Variants in DHRSX observed in about 807,000 individuals in gnomAD.
The protein encoded by DHRSX is polyprenol dehydrogenase.
Under a neutral mutation model 34.0 loss-of-function variants are expected in DHRSX, and 31 were observed. That is an observed-to-expected ratio of 0.91 (90% CI 0.69 to 1.23). The LOEUF is 1.23. Among genes scored for constraint, DHRSX ranks in the 50% most tolerant of loss-of-function variants. DHRSX has a pLI of 0.00. For synonymous variants in DHRSX, 201 were observed against 183.8 expected, an observed-to-expected ratio of 1.09 and a Z score of -0.76; for missense variants, 414 against 428.1, an observed-to-expected ratio of 0.97 and a Z score of 0.29.
intron 3 of DHRSX, among the ~76,000 whole-genome samples, chrX:2,318,782 A>G (rs1434167267): frequency 2.0e-5 from 3 of 152,082 alleles, no homozygotes; most frequent in African/African-American, 7.2e-5. Flanking sequence ...TGCTCTGCCA[A>G]TGGAGTGGCC....
At chrX:2,357,596 A>C (rs2042871914) in intron 3 of DHRSX, among the ~76,000 whole-genome samples, 1 of 152,068 alleles carries the variant, frequency 6.6e-6, no homozygotes, top group South Asian at 2.1e-4. Flanking sequence ...TAAGGAATAA[A>C]GAAAGAGCTA....
At chrX:2,239,750 C>G (rs750859320) in intron 6 of DHRSX, among the ~76,000 whole-genome samples, 3 of 151,104 alleles carry the variant, frequency 2.0e-5, no homozygotes, top group Non-Finnish European at 4.4e-5. Context: ...GCCTGGGCAA[C>G]AGAGCAAGAC....
At chrX:2,245,062 A>G (rs36079539) in intron 5 of DHRSX, among the ~76,000 whole-genome samples, 101,441 of 151,834 alleles carry the variant, frequency 0.67, 34,980 homozygotes, top group Non-Finnish European at 0.73. Context: ...AGCTGTGAAC[A>G]GAAAATATCT....
chrX:2,314,403 A>AGGGAGGGAAGGAAGGAAGGGG (rs2042209538), intron 3 of DHRSX, among the ~76,000 whole-genome samples: 1 of 52,894 alleles, frequency 1.9e-5, no homozygotes, highest in African/African-American at 9.3e-5. Flanking sequence ...AAGGAAGGGA[A>AGGGAGGGAAGGAAGGAAGGGG]AGAAGGGAGG....
At chrX:2,473,620 G>C in intron 1 of DHRSX, among the ~76,000 whole-genome samples, 1 of 137,204 alleles carries the variant, frequency 7.3e-6, no homozygotes, top group Non-Finnish European at 1.5e-5. Flanking sequence ...GACAGAGCAA[G>C]ACTCCGTCTC....
At chrX:2,333,363 G>A (rs1425732447) in intron 3 of DHRSX, among the ~76,000 whole-genome samples, 1 of 152,072 alleles carries the variant, frequency 6.6e-6, no homozygotes, top group African/African-American at 2.4e-5. Flanking sequence ...GGCAAATTAC[G>A]TGACATGGGA....
At chrX:2,438,535 A>G (rs747337827) in intron 1 of DHRSX, among the ~76,000 whole-genome samples, 2 of 151,836 alleles carry the variant, frequency 1.3e-5, no homozygotes, top group Admixed American at 1.3e-4. Context: ...GCCGGGCGAG[A>G]TGGCTGGCGC....
intron 1 of DHRSX, among the ~76,000 whole-genome samples, chrX:2,458,298 G>A (rs2044340929): frequency 6.6e-6 from 1 of 152,126 alleles, no homozygotes. Context: ...TCAGAGCAAA[G>A]AATGTTGTGC....
At chrX:2,290,541 G>T (rs2041853640) in intron 4 of DHRSX, among the ~76,000 whole-genome samples, 1 of 152,064 alleles carries the variant, frequency 6.6e-6, no homozygotes, top group South Asian at 2.1e-4. Flanking sequence ...TGATTTTTTT[G>T]TCTGCAATCT....
In DHRSX at chrX:2,338,999, T is replaced by A. The variant is rs749941185; in HGVS notation, c.287-47396A>T. On this transcript the variant is annotated intron_variant, in intron 3 of 6. Transcript: ENST00000334651. The stretch of plus-strand genomic sequence containing the variant: ...AGCTGGTACACTCATGGAATGATAA[T>A]CCATATAATTTCCGCAACGAGATGT... 3.3e-5 allele frequency among the ~76,000 whole-genome samples: 5 copies of A among 152,044 alleles called. No individual in the cohort carries two copies. The South Asian group carries it at 1.0e-3, about 32-fold the overall frequency.
intron 3 of DHRSX, among the ~76,000 whole-genome samples, chrX:2,298,616 A>ACACACACG (rs1556457301): frequency 2.2e-5 from 3 of 138,302 alleles, no homozygotes; most frequent in Non-Finnish European, 4.5e-5. Flanking sequence ...ACACACACAC[A>ACACACACG]CACACACACA....
At chrX:2,380,414 G>A (rs1415803556) in intron 3 of DHRSX, among the ~76,000 whole-genome samples, 1 of 151,098 alleles carries the variant, frequency 6.6e-6, no homozygotes, top group Non-Finnish European at 1.5e-5. Flanking sequence ...CATATGATAA[G>A]GAAGCAGGAT....
chrX:2,384,390 G>A (rs759434600), intron 3 of DHRSX, among the ~76,000 whole-genome samples: 2 of 152,282 alleles, frequency 1.3e-5, no homozygotes, highest in African/African-American at 2.4e-5. Flanking sequence ...GAACACGGAC[G>A]TGGTTGCAAG....
intron 1 of DHRSX, among the ~76,000 whole-genome samples, chrX:2,484,968 T>C (rs1315397235): frequency 6.6e-6 from 1 of 151,726 alleles, no homozygotes; most frequent in Non-Finnish European, 1.5e-5. Context: ...ATCCGAAACC[T>C]TTTTCTCACT....
At chrX:2,255,379 C>G (rs2041262649) in intron 5 of DHRSX, among the ~76,000 whole-genome samples, 1 of 152,038 alleles carries the variant, frequency 6.6e-6, no homozygotes, top group South Asian at 2.1e-4. Context: ...TGAGTGAAAT[C>G]CGAATCGAGA....
intron 5 of DHRSX, among the ~76,000 whole-genome samples, chrX:2,266,174 G>A (rs766997013): frequency 1.4e-3 from 201 of 144,270 alleles, no homozygotes; most frequent in African/African-American, 4.4e-3. Flanking sequence ...CAGATGCAGG[G>A]AGCACTGTCC....
chrX:2,392,177 G>C (rs1263728897), intron 3 of DHRSX, among the ~76,000 whole-genome samples: 4 of 152,284 alleles, frequency 2.6e-5, no homozygotes, highest in African/African-American at 9.6e-5. Context: ...AAATGGAAAT[G>C]GGTATGACGG....
At chrX:2,357,897 A>G (rs2042876910) in intron 3 of DHRSX, among the ~76,000 whole-genome samples, 2 of 152,170 alleles carry the variant, frequency 1.3e-5, no homozygotes, top group Admixed American at 1.3e-4. Context: ...ACACATGTAC[A>G]TCACTGGGGT....
chrX:2,449,341 C>T (rs781540649), intron 1 of DHRSX, among the ~76,000 whole-genome samples: 93 of 152,214 alleles, frequency 6.1e-4, no homozygotes, highest in Middle Eastern at 3.4e-3. Context: ...ATCAGGCTGT[C>T]CCCTAACACA....
Sources: gnomAD v4.1 joint callset for allele counts (sites outside exome capture counted in the v4.1 genomes callset) on GRCh38, gnomAD v4.1.1 for gene constraint, MANE v1.5 for transcripts, NCBI Gene and HGNC (gene_info 2026-07-23, HGNC 2026-07-21) for gene names.